The following STXBP6 variants were observed in gnomAD, a reference collection of about 807,000 sequenced individuals.
STXBP6 encodes syntaxin-binding protein 6.
In STXBP6, 21 loss-of-function variants were observed where a neutral mutation model predicts 26.9. The ratio of observed to expected loss-of-function variants is 0.78; its 90% CI spans 0.55 to 1.12. The LOEUF (loss-of-function observed/expected upper bound fraction) is 1.12, where lower values mean the gene tolerates loss of function less well. Among genes scored for constraint, STXBP6 ranks in the 50% most tolerant of loss-of-function variants. The pLI, the probability that STXBP6 is intolerant of heterozygous loss-of-function variation, is 0.00. For synonymous variants in STXBP6, 97 were observed against 92.6 expected (o/e 1.05, Z -0.27); for missense variants, 232 against 257.9 (o/e 0.90, Z 0.69).
intron 4 of STXBP6, among the ~76,000 whole-genome samples, chr14:24,848,716 T>G (rs964212689): frequency 1.3e-5 from 2 of 152,176 alleles, no homozygotes; most frequent in African/African-American, 4.8e-5. Context: ...TGACCCATTT[T>G]TCCTTAGTTT....
intron 4 of STXBP6, among the ~76,000 whole-genome samples, chr14:24,835,232 G>A (rs2068576720): frequency 6.6e-6 from 1 of 152,170 alleles, no homozygotes; most frequent in Non-Finnish European, 1.5e-5. Flanking sequence ...TCACCACTTA[G>A]AAGCTGCTCT....
rs533733352 is a variant in STXBP6, at chr14:24,840,160, A to T, written c.451+15776T>A. ...TTATAAATTGCCCAAGGATATACTT[A>T]TGGTGAGTGATGGAACCACCTCTGC... On this transcript the variant is annotated intron_variant, in intron 4 of 5. Transcript: ENST00000323944. Among the ~76,000 whole-genome samples, 47 of 152,356 alleles carry T rather than the reference A, an allele frequency of 3.1e-4. 1 individual carries two copies. The South Asian group carries it at 8.7e-3, about 28-fold the overall frequency.
In STXBP6 at chr14:24,811,069, A is replaced by G. The variant is rs2138643489; in HGVS notation, c.*1640T>C. 6.6e-6 allele frequency: 1 copy of G among 152,304 alleles called. No homozygotes were observed. The highest frequency in any genetic ancestry group is 1.9e-4 in the East Asian group (1 of 5,188). The allele number at this position is 152,304 out of a possible 1,614,324, so 9.4% of individuals were successfully genotyped here. ...ATAAAATATTATAGTTAACTTATAC[A>G]GTTTATTAAATTTTATAGAGGGTTT... On this transcript the variant is annotated 3_prime_UTR_variant, in exon 6 of 6. Coordinates refer to ENST00000323944, the MANE Select transcript of STXBP6 (RefSeq NM_001394410.1).
At chr14:24,887,334 C>G (rs964392175) in intron 2 of STXBP6, among the ~76,000 whole-genome samples, 1 of 152,256 alleles carries the variant, frequency 6.6e-6, no homozygotes, top group East Asian at 1.9e-4. Flanking sequence ...AAGTAAGCAT[C>G]ATACTTAGAA....
intron 2 of STXBP6, among the ~76,000 whole-genome samples, chr14:24,865,321 T>G (rs1335017677): frequency 2.6e-5 from 4 of 152,086 alleles, no homozygotes; most frequent in Non-Finnish European, 5.9e-5. Flanking sequence ...ATTGTACTAG[T>G]TTACTGCTTT....
chr14:25,036,241 A>C (rs1051748487), intron 1 of STXBP6, among the ~76,000 whole-genome samples: 2 of 133,220 alleles, frequency 1.5e-5, no homozygotes, highest in African/African-American at 6.0e-5. Context: ...AAAAAAAAAA[A>C]TACAGGTTGT....
intron 1 of STXBP6, among the ~76,000 whole-genome samples, chr14:24,996,721 G>A (rs2074611530): frequency 6.6e-6 from 1 of 151,684 alleles, no homozygotes; most frequent in Non-Finnish European, 1.5e-5. Flanking sequence ...CAGGCATGGT[G>A]GCACGTGCCT....
intron 5 of STXBP6, chr14:24,816,201 C>A (rs993598886): frequency 6.6e-6 from 1 of 152,206 alleles, no homozygotes; most frequent in African/African-American, 2.4e-5. Context: ...CTGGCCCCCA[C>A]TTGTAAGCAC....
At chr14:24,830,659 A>G (rs950839874) in intron 4 of STXBP6, among the ~76,000 whole-genome samples, 1 of 152,178 alleles carries the variant, frequency 6.6e-6, no homozygotes. Flanking sequence ...GGAGTCAGTA[A>G]GTCAAACAGA....
chr14:25,047,032 A>C (rs577465025), intron 1 of STXBP6, among the ~76,000 whole-genome samples: 1 of 152,306 alleles, frequency 6.6e-6, no homozygotes, highest in South Asian at 2.1e-4. Flanking sequence ...GGGCCTGGGT[A>C]AGCTGTCCAT....
intron 2 of STXBP6, among the ~76,000 whole-genome samples, chr14:24,943,848 T>C (rs1406986326): frequency 6.6e-6 from 1 of 152,228 alleles, no homozygotes; most frequent in Non-Finnish European, 1.5e-5. Flanking sequence ...ACCAAAGAAC[T>C]GAAATAAAAA....
At chr14:25,036,285 T>C (rs1490545200) in intron 1 of STXBP6, among the ~76,000 whole-genome samples, 2 of 147,540 alleles carry the variant, frequency 1.4e-5, no homozygotes, top group Non-Finnish European at 3.0e-5. Context: ...AGCTTATAGA[T>C]AATATTCCCA....
chr14:25,017,840 C>A (rs961081224), intron 1 of STXBP6, among the ~76,000 whole-genome samples: 2 of 151,354 alleles, frequency 1.3e-5, no homozygotes, highest in African/African-American at 2.5e-5. Flanking sequence ...ACAGTGGTTG[C>A]GAGCTCCAAC....
At chr14:24,900,047 T>G (rs2071157522) in intron 2 of STXBP6, among the ~76,000 whole-genome samples, 1 of 152,240 alleles carries the variant, frequency 6.6e-6, no homozygotes, top group Non-Finnish European at 1.5e-5. Flanking sequence ...GCGATATGCC[T>G]TAACAGGTTG....
Position 24,907,409 on chromosome 14 carries a change from T to G in STXBP6, c.155-50252A>C, listed in dbSNP as rs1288910641. ...TTATAATGTACAGTGCAAAGAGCATTAAAAGAGCATTATTAAAGTACACAG... is the reference window on the plus strand; with the variant it reads ...TTATAATGTACAGTGCAAAGAGCATGAAAAGAGCATTATTAAAGTACACAG... On this transcript the variant is annotated intron_variant, in intron 2 of 5. Transcript: ENST00000323944. 5.3e-5 allele frequency among the ~76,000 whole-genome samples: 8 copies of G among 152,272 alleles called. No individual in the cohort carries two copies. In the East Asian group the frequency reaches 1.5e-3, roughly 29 times the overall value.
At chr14:24,852,304 C>T (rs1433299795) in intron 4 of STXBP6, among the ~76,000 whole-genome samples, 14 of 152,138 alleles carry the variant, frequency 9.2e-5, no homozygotes, top group Non-Finnish European at 1.5e-5. Flanking sequence ...TTAAGCCTTA[C>T]ATAGAAAGAT....
intron 2 of STXBP6, among the ~76,000 whole-genome samples, chr14:24,966,266 G>C (rs2073730793): frequency 6.6e-6 from 1 of 152,130 alleles, no homozygotes; most frequent in Non-Finnish European, 1.5e-5. Context: ...CACTAGAAAA[G>C]CTGAAGTCAC....
At chr14:24,920,957 G>T (rs1401375325) in intron 2 of STXBP6, among the ~76,000 whole-genome samples, 3 of 152,152 alleles carry the variant, frequency 2.0e-5, no homozygotes, top group South Asian at 2.1e-4. Flanking sequence ...TAGAAATCTG[G>T]TGTGTTGGAT....
chr14:24,992,065 TACCGG>T (rs2074487696), intron 1 of STXBP6, among the ~76,000 whole-genome samples: 1 of 152,186 alleles, frequency 6.6e-6, no homozygotes, highest in Admixed American at 6.5e-5. Context: ...AGATTCTTCT[TACCGG>T]TCTGTTTTTC....
Sources: gnomAD v4.1 joint callset for allele counts (sites outside exome capture counted in the v4.1 genomes callset) on GRCh38, gnomAD v4.1.1 for gene constraint, MANE v1.5 for transcripts, NCBI Gene and HGNC (gene_info 2026-07-23, HGNC 2026-07-21) for gene names.